The following ARFIP2 variants were observed in gnomAD, a reference collection of about 807,000 sequenced individuals.
ARFIP2 encodes the protein arfaptin-2.
In ARFIP2, 14 loss-of-function variants were observed where a neutral mutation model predicts 39.2. The ratio of observed to expected loss-of-function variants is 0.36; its 90% CI spans 0.24 to 0.56. The LOEUF (loss-of-function observed/expected upper bound fraction) is 0.56, where lower values mean the gene tolerates loss of function less well. Among genes scored for constraint, ARFIP2 ranks in the 20% least tolerant of loss-of-function variants. ARFIP2 has a pLI of 0.85. For synonymous variants in ARFIP2, 167 were observed against 172.4 expected, an observed-to-expected ratio of 0.97 and a Z score of 0.24; for missense variants, 305 against 422.5, an observed-to-expected ratio of 0.72 and a Z score of 2.44.
chr11:6,477,705 G>T lies in ARFIP2; in HGVS notation c.870+13C>A. On this transcript the variant is annotated intron_variant, in intron 7 of 7. Transcript: ENST00000396777. This position sits in a 1 kb window ranked among gnomAD's most constrained non-coding sequence, Gnocchi z 4.8. ...GGAAAGGTGGGCTAGGGTCAAGGGG[G>T]TGGGGTTGGCACCTTGTTTTCTTCC... is the stretch of plus-strand genomic sequence containing the variant. The T allele has an allele frequency of 6.2e-7, 1 of 1,612,938 alleles. No homozygotes were observed. The highest frequency in any genetic ancestry group is 8.5e-7 in the Non-Finnish European group (1 of 1,179,376).
chr11:6,477,968 T>TATGCCCC lies in ARFIP2; in HGVS notation c.695+66_695+72dup. 6.2e-7 allele frequency: 1 copy of TATGCCCC among 1,604,864 alleles called. No individual in the cohort carries two copies. Among genetic ancestry groups the TATGCCCC allele is most frequent in the Non-Finnish European group, 8.5e-7 (1 of 1,173,438 alleles). On this transcript the variant is annotated intron_variant, in intron 6 of 7. Transcript: ENST00000396777. This position sits in a 1 kb window ranked among gnomAD's most constrained non-coding sequence, Gnocchi z 4.8. ...TACTCTCCTTTCCTTCCTGAATTCT[T>TATGCCCC]ATGCCCCTAATGCCCAAATTTCCAC... is the stretch of plus-strand genomic sequence containing the variant.
At chr11:6,479,811 G>A (rs1851524104) in intron 3 of ARFIP2, 161 bp downstream of exon 3, 1 of 701,854 alleles carries the variant, frequency 1.4e-6, no homozygotes, top group South Asian at 1.8e-5. Flanking sequence ...GGACAACGCT[G>A]GGAGTTGCTT....
rs201708783 is a variant in ARFIP2 at position 6,478,942 on chromosome 11, T to C, written c.333A>G (p.Leu111=). 9.5e-5 allele frequency: 153 copies of C among 1,614,084 alleles called. No individual in the cohort carries two copies. The highest frequency in any genetic ancestry group is 3.6e-5 in the Non-Finnish European group (43 of 1,180,038). Residue 111 remains leucine, a synonymous_variant, in exon 5 of 8, where the codon TTA becomes TTG. Coordinates refer to ENST00000396777, the MANE Select transcript of ARFIP2 (RefSeq NM_001376558.2). This position sits in a 1 kb window ranked among gnomAD's most constrained non-coding sequence, Gnocchi z 4.8. ...INTYKCTKQL[L]SERFGRGSRT... ...GTGAGCCTCGACCAAATCGTTCTGA[T>C]AACAGTTGCTTTGTGCACTGATTGG...
chr11:6,479,823 T>C, intron 3 of ARFIP2, 149 bp downstream of exon 3: 1 of 761,014 alleles, frequency 1.3e-6, no homozygotes, highest in Non-Finnish European at 2.2e-6. Context: ...GAGTTGCTTT[T>C]GGGCTGAGGA....
At position 6,478,945 on chromosome 11, in the gene ARFIP2, C is replaced by A; in HGVS notation, c.330G>T (p.Leu110=). ...AGCCTCGACCAAATCGTTCTGATAA[C>A]AGTTGCTTTGTGCACTGATTGGGAA... is the stretch of plus-strand genomic sequence containing the variant. ...GINTYKCTKQ[L]LSERFGRGSR... The change falls in exon 5 of 8, where the codon CTG becomes CTT. Residue 110 remains leucine (L), a synonymous_variant. Transcript: ENST00000396777. The surrounding 1 kb of genome is among the most constrained non-coding windows in gnomAD (Gnocchi z 4.8). The A allele has an allele frequency of 6.2e-7, 1 of 1,614,182 alleles. No homozygotes were observed. The highest frequency in any genetic ancestry group is 8.5e-7 in the Non-Finnish European group (1 of 1,179,998).
At position 6,478,499 on chromosome 11, in the gene ARFIP2, A is replaced by G. The variant is rs558417008; in HGVS notation, c.537+239T>C. The G allele has an allele frequency of 7.7e-7, 1 of 1,306,166 alleles. No individual in the cohort carries two copies. Among genetic ancestry groups the G allele is most frequent in the South Asian group, 1.5e-5 (1 of 64,798 alleles). 80.9% of individuals were successfully genotyped at this position (1,306,166 alleles called of 1,614,324 possible). On this transcript the variant is annotated intron_variant, in intron 5 of 7. Coordinates refer to ENST00000396777, the MANE Select transcript of ARFIP2 (RefSeq NM_001376558.2). The surrounding 1 kb of genome is among the most constrained non-coding windows in gnomAD (Gnocchi z 4.8). ...GGCTGAGCACGAAGGCATTCTCCCC[A>G]GTGCAGAGAGGGGTTATTTGTGAGG... is the stretch of plus-strand genomic sequence containing the variant.
At chr11:6,479,454 C>G (rs1851489553) in intron 3 of ARFIP2, 196 bp from the exon 4 acceptor site, 3 of 1,043,484 alleles carry the variant, frequency 2.9e-6, no homozygotes, top group African/African-American at 3.2e-5. Flanking sequence ...CATATGGCCT[C>G]CTTGGGGGTT....
intron 2 of ARFIP2, 103 bp downstream of exon 2, chr11:6,480,220 G>C (rs1473994918): frequency 2.2e-5 from 29 of 1,293,880 alleles, no homozygotes; most frequent in Non-Finnish European, 3.2e-5. Context: ...AATGAAGGGA[G>C]TCAGATAAGT....
At position 6,478,449 on chromosome 11, in the gene ARFIP2, G is replaced by A. The variant is rs1282165809; in HGVS notation, c.538-251C>T. ...CTGGAACAGTCTGAGAGCTAGTGTGGCAAGCAGGGGAGGGGCTCTGATTAG... is the reference window on the plus strand; with the variant it reads ...CTGGAACAGTCTGAGAGCTAGTGTGACAAGCAGGGGAGGGGCTCTGATTAG... On this transcript the variant is annotated intron_variant, in intron 5 of 7. Transcript: ENST00000396777. This position sits in a 1 kb window ranked among gnomAD's most constrained non-coding sequence, Gnocchi z 4.8. 5.8e-6 allele frequency: 6 copies of A among 1,026,182 alleles called. No homozygotes were observed. In the East Asian group the frequency reaches 1.6e-4, roughly 27 times the overall value. The allele number at this position is 1,026,182 out of a possible 1,614,324, so 63.6% of individuals were successfully genotyped here.
At position 6,478,558 on chromosome 11, in the gene ARFIP2, C is replaced by T. The variant is rs1256299993; in HGVS notation, c.537+180G>A. The T allele has an allele frequency of 1.1e-5, 16 of 1,428,970 alleles. No individual in the cohort carries two copies. Among genetic ancestry groups the T allele is most frequent in the South Asian group, 1.5e-5 (1 of 67,798 alleles). The allele number at this position is 1,428,970 out of a possible 1,614,324, so 88.5% of individuals were successfully genotyped here. On this transcript the variant is annotated intron_variant, in intron 5 of 7. Coordinates refer to ENST00000396777, the MANE Select transcript of ARFIP2 (RefSeq NM_001376558.2). The surrounding 1 kb of genome is among the most constrained non-coding windows in gnomAD (Gnocchi z 4.8). ...GTGCCCCCTCCCCCACCCCCTCCAACTTCTGGACCTCTGTACAAACCCTTA... is the reference window on the plus strand; with the variant it reads ...GTGCCCCCTCCCCCACCCCCTCCAATTTCTGGACCTCTGTACAAACCCTTA...
rs767285593 is a variant in ARFIP2 at position 6,477,739 on chromosome 11, G to A, written c.849C>T (p.Leu283=). Residue 283 remains leucine (L), a synonymous_variant, in exon 7 of 8, where the codon CTC becomes CTT. Transcript: ENST00000396777. The surrounding 1 kb of genome is among the most constrained non-coding windows in gnomAD (Gnocchi z 4.8). ...EKLRGDVAIK[L]KFLEENKIKV... ...GCACCTTGTTTTCTTCCAGGAACTT[G>A]AGCTTGATGGCCACATCTCCCCGCA... is the stretch of plus-strand genomic sequence containing the variant. 8.7e-6 allele frequency: 14 copies of A among 1,613,906 alleles called. No individual in the cohort carries two copies. Among genetic ancestry groups the A allele is most frequent in the Non-Finnish European group, 1.2e-5 (14 of 1,179,920 alleles).
rs767197494 is a variant in ARFIP2, at chr11:6,479,856, C to G, written c.196+116G>C. On this transcript the variant is annotated intron_variant, in intron 3 of 7. Coordinates refer to ENST00000396777, the MANE Select transcript of ARFIP2 (RefSeq NM_001376558.2). ...GGAGAGTCCATGAGGTTCCTACAAG[C>G]AGAAGTTCCCAAGATCTCCAGACAT... The G allele has an allele frequency of 2.9e-6, 3 of 1,036,914 alleles. No homozygotes were observed. The South Asian group carries it at 4.2e-5, about 15-fold the overall frequency. The allele number at this position is 1,036,914 out of a possible 1,614,324, so 64.2% of individuals were successfully genotyped here.
Position 6,480,020 on chromosome 11 carries a change from T to C in ARFIP2, c.148A>G (p.Ile50Val). 1.9e-6 allele frequency: 3 copies of C among 1,614,096 alleles called. No individual in the cohort carries two copies. The highest frequency in any genetic ancestry group is 2.5e-6 in the Non-Finnish European group (3 of 1,180,014). ...GAGCCCCCATAGCCACCAGACACAATGCTGGTTTCATTGAGGTTGGGTCCT... is the reference window on the plus strand; with the variant it reads ...GAGCCCCCATAGCCACCAGACACAACGCTGGTTTCATTGAGGTTGGGTCCT... Reference protein sequence around the residue: ...VSGPNLNETSIVSGGYGGSGD... With the variant: ...VSGPNLNETSVVSGGYGGSGD... The change falls in exon 3 of 8, where the codon ATT (isoleucine) becomes GTT (valine). Residue 50 changes from isoleucine (I) to valine (V), a missense_variant. Physicochemically the swap from Ile to Val is conservative, Grantham distance 29 (BLOSUM62 3). Transcript: ENST00000396777.
Position 6,476,728 on chromosome 11 carries a change from T to C in ARFIP2, c.*385A>G, listed in dbSNP as rs1564982789. Reference sequence around the variant, plus strand: ...ACAAAGGGTATTAGACGCAACATCATTGGCCCAGGGGAGTCCGAGAAGAGC... The same window carrying C: ...ACAAAGGGTATTAGACGCAACATCACTGGCCCAGGGGAGTCCGAGAAGAGC... On this transcript the variant is annotated 3_prime_UTR_variant, in exon 8 of 8. Coordinates refer to ENST00000396777, the MANE Select transcript of ARFIP2 (RefSeq NM_001376558.2). 1 of 207,206 alleles carries C rather than the reference T, an allele frequency of 4.8e-6. No homozygotes were observed. The highest frequency in any genetic ancestry group is 1.1e-4 in the East Asian group (1 of 8,896). 12.8% of individuals were successfully genotyped at this position (207,206 alleles called of 1,614,324 possible). A position where few individuals can be genotyped will look rare whatever the true frequency, so the allele number is the denominator to read the frequency against.
rs759855509 is a variant in ARFIP2 at position 6,478,143 on chromosome 11, G to C, written c.593C>G (p.Thr198Arg). ...TQKLLCKNGE[T>R]LLGAVNFFVS... is the part of the protein sequence containing the mutation. ...AAAGAAGTTCACGGCTCCTAGCAGCGTTTCCCCATTCTTGCATAGTAGTTT... is the reference window on the plus strand; with the variant it reads ...AAAGAAGTTCACGGCTCCTAGCAGCCTTTCCCCATTCTTGCATAGTAGTTT... The change falls in exon 6 of 8, where the codon ACG becomes AGG. Residue 198 changes from threonine to arginine, a missense_variant. By Grantham distance (71) the Thr-to-Arg change is moderately conservative. Transcript: ENST00000396777. This position sits in a 1 kb window ranked among gnomAD's most constrained non-coding sequence, Gnocchi z 4.8. The C allele has an allele frequency of 1.7e-5, 27 of 1,614,018 alleles. No homozygotes were observed. Among genetic ancestry groups the C allele is most frequent in the Non-Finnish European group, 2.2e-5 (26 of 1,180,004 alleles).
At chr11:6,479,313 G>A (rs1851473358) in intron 3 of ARFIP2, 55 bp from the exon 4 acceptor site, 1 of 1,612,908 alleles carries the variant, frequency 6.2e-7, no homozygotes, top group Non-Finnish European at 8.5e-7. Context: ...AGACACCTCT[G>A]TGGCCCCACC....
At position 6,481,273 on chromosome 11, in the gene ARFIP2, C is replaced by G; in HGVS notation, c.-85G>C. ...TTCCCCTCAGGGCGCCAGGCCCGGG[C>G]CGCGCGGGGACCTCGGGCTCCAGTT... is the stretch of plus-strand genomic sequence containing the variant. On this transcript the variant is annotated 5_prime_UTR_variant, in exon 1 of 8. Coordinates refer to ENST00000396777, the MANE Select transcript of ARFIP2 (RefSeq NM_001376558.2). 1 of 626,628 alleles carries G rather than the reference C, an allele frequency of 1.6e-6. No individual in the cohort carries two copies. Among genetic ancestry groups the G allele is most frequent in the African/African-American group, 1.8e-5 (1 of 54,248 alleles). The allele number at this position is 626,628 out of a possible 1,614,324, so 38.8% of individuals were successfully genotyped here. A position where few individuals can be genotyped will look rare whatever the true frequency, so the allele number is the denominator to read the frequency against.
chr11:6,480,135 A>G (rs1412819344), intron 2 of ARFIP2, 67 bp from the exon 3 acceptor site: 7 of 1,443,208 alleles, frequency 4.9e-6, no homozygotes, highest in Non-Finnish European at 6.8e-6. Context: ...GGAGGTGGGA[A>G]CAAGTTTGGA....
At position 6,478,096 on chromosome 11, in the gene ARFIP2, C is replaced by T. The variant is rs1459612925; in HGVS notation, c.640G>A (p.Val214Ile). ...AGCGTGTCTTCCATGGTCTTGGTGA[C>T]CAATGTGTTGATGCTAGAGACAAAG... The part of the protein sequence containing the change: ...NFFVSSINTL[V>I]TKTMEDTLMT... Residue 214 changes from valine to isoleucine, a missense_variant, in exon 6 of 8, where the codon GTC (valine) becomes ATC (isoleucine). Val to Ile is a conservative substitution (Grantham distance 29). This residue lies in a region of ARFIP2 where 42 missense variants were observed against 101.2 expected (regional missense o/e 0.42). Coordinates refer to ENST00000396777, the MANE Select transcript of ARFIP2 (RefSeq NM_001376558.2). This position sits in a 1 kb window ranked among gnomAD's most constrained non-coding sequence, Gnocchi z 4.8. 6.2e-7 allele frequency: 1 copy of T among 1,613,956 alleles called. No homozygotes were observed. Among genetic ancestry groups the T allele is most frequent in the East Asian group, 2.2e-5 (1 of 44,882 alleles).
Sources: allele counts gnomAD v4.1 joint callset, GRCh38; gene constraint gnomAD v4.1.1; regional missense constraint gnomAD v4.1.1; non-coding constraint Gnocchi (gnomAD v3.1); transcripts MANE v1.5; gene names NCBI Gene and HGNC (gene_info 2026-07-23, HGNC 2026-07-21).